MYO9B: variants seen among roughly 807,000 people sequenced by gnomAD.
The protein encoded by MYO9B is unconventional myosin-IXb.
A neutral mutation model predicts 229.5 loss-of-function variants in MYO9B; 71 were observed. That is an observed-to-expected ratio of 0.31 (90% CI 0.26 to 0.38). The LOEUF (loss-of-function observed/expected upper bound fraction) is 0.38. Ranked by LOEUF, MYO9B falls within the 10% of genes least tolerant of loss-of-function variation. The pLI, the probability that MYO9B is intolerant of heterozygous loss-of-function variation, is 1.00. For missense variants in MYO9B, 2,255 were observed against 2,920.5 expected (o/e 0.77, Z 5.25); for synonymous variants, 1,185 against 1,235.8 (o/e 0.96, Z 0.86).
At chr19:17,173,323 GTCTCTCTC>G (rs3837924) in intron 13 of MYO9B, among the ~76,000 whole-genome samples, 1 of 139,240 alleles carries the variant, frequency 7.2e-6, no homozygotes, top group Non-Finnish European at 1.6e-5. Context: ...TAGAGACAGG[GTCTCTCTC>G]TCTCTCTCTC....
intron 10 of MYO9B, 100 bp from the exon 11 acceptor site, chr19:17,167,842 AT>A (rs2072676928): frequency 1.4e-6 from 2 of 1,443,724 alleles, no homozygotes; most frequent in African/African-American, 1.4e-5. Flanking sequence ...AGCATTTCAG[AT>A]TTTCGGATTA....
At chr19:17,163,950 AAT>A (rs1244747251) in intron 10 of MYO9B, among the ~76,000 whole-genome samples, 1 of 152,172 alleles carries the variant, frequency 6.6e-6, no homozygotes, top group Non-Finnish European at 1.5e-5. Flanking sequence ...TGGGTGTGCA[AAT>A]ATCTCTTCAA....
chr19:17,115,286 G>A (rs2057890621), intron 2 of MYO9B, among the ~76,000 whole-genome samples: 1 of 151,982 alleles, frequency 6.6e-6, no homozygotes, highest in Non-Finnish European at 1.5e-5. Flanking sequence ...ATCATCCCTG[G>A]CATCTTTGGC....
At chr19:17,083,976 T>C (rs929844612) in intron 1 of MYO9B, among the ~76,000 whole-genome samples, 2 of 151,862 alleles carry the variant, frequency 1.3e-5, no homozygotes, top group Admixed American at 6.6e-5. Context: ...ACAAAGTGAA[T>C]GGGGAAGGAG....
chr19:17,164,967 C>A (rs34831515), intron 10 of MYO9B, among the ~76,000 whole-genome samples: 4 of 152,034 alleles, frequency 2.6e-5, no homozygotes, highest in African/African-American at 9.6e-5. Flanking sequence ...GAGGTTTAGG[C>A]GATCCTACCA....
rs1356748752 is a variant in MYO9B, at chr19:17,101,827, C to T, written c.110C>T (p.Thr37Ile). Residue 37 changes from threonine to isoleucine, a missense_variant, in exon 2 of 40, where the codon ACT becomes ATT. Thr to Ile is a moderately conservative substitution (Grantham distance 89). Coordinates refer to ENST00000682292, the MANE Select transcript of MYO9B (RefSeq NM_004145.4). This position sits in a 1 kb window ranked among gnomAD's most constrained non-coding sequence, Gnocchi z 4.7. ...GAGAGCCAGGCCTCGTGCCGCGTGA[C>T]TGCCACCAAGGACAGCACCACCTCG... is the stretch of plus-strand genomic sequence containing the variant. ...TTESQASCRV[T>I]ATKDSTTSDV... The T allele has an allele frequency of 6.2e-7, 1 of 1,610,532 alleles. No individual in the cohort carries two copies. Among genetic ancestry groups the T allele is most frequent in the Non-Finnish European group, 8.5e-7 (1 of 1,179,436 alleles).
rs775572788 is a variant in MYO9B, at chr19:17,207,176, C to T, written c.5556C>T (p.Pro1852=). 1.4e-5 allele frequency: 22 copies of T among 1,605,592 alleles called. No homozygotes were observed. Among genetic ancestry groups the T allele is most frequent in the Non-Finnish European group, 1.7e-5 (20 of 1,177,034 alleles). Reference sequence around the variant, plus strand: ...GGGCGCTGGCCATTATCTTCGCACCCTGCCTCCTGCGCTGCCCTGACAACT... The same window carrying T: ...GGGCGCTGGCCATTATCTTCGCACCTTGCCTCCTGCGCTGCCCTGACAACT... ...SPGALAIIFA[P]CLLRCPDNSD... is the part of the protein sequence containing the mutation. Residue 1852 remains proline, a synonymous_variant, in exon 35 of 40, where the codon CCC becomes CCT. Transcript: ENST00000682292.
intron 14 of MYO9B, among the ~76,000 whole-genome samples, chr19:17,179,265 C>G (rs1599397561): frequency 6.6e-6 from 1 of 152,158 alleles, no homozygotes; most frequent in East Asian, 1.9e-4. Context: ...CTGCTGTGTT[C>G]AAACTGTGGC....
At chr19:17,209,433 C>T (rs2073200541) in intron 35 of MYO9B, among the ~76,000 whole-genome samples, 153 bp from the exon 36 acceptor site, 1 of 152,208 alleles carries the variant, frequency 6.6e-6, no homozygotes, top group South Asian at 2.1e-4. Flanking sequence ...CCGAAGGTCA[C>T]ACTGCATGGG....
At chr19:17,116,720 C>T (rs888727042) in intron 2 of MYO9B, among the ~76,000 whole-genome samples, 5 of 152,132 alleles carry the variant, frequency 3.3e-5, no homozygotes, top group African/African-American at 9.6e-5. Context: ...AGAGGCCGCT[C>T]CAAGCTGAAA....
intron 8 of MYO9B, 122 bp from the exon 9 acceptor site, chr19:17,162,228 C>T (rs931095152): frequency 4.6e-5 from 34 of 739,058 alleles, no homozygotes; most frequent in Non-Finnish European, 6.7e-5. Flanking sequence ...TCTCTTGAAC[C>T]CAGGAGGTGG....
chr19:17,188,734 C>A (rs751925984), intron 19 of MYO9B, among the ~76,000 whole-genome samples: 1 of 152,064 alleles, frequency 6.6e-6, no homozygotes, highest in Non-Finnish European at 1.5e-5. Flanking sequence ...ATGTTCTGGG[C>A]GGGTGTAGTG....
chr19:17,147,088 C>G (rs925496016), intron 3 of MYO9B, among the ~76,000 whole-genome samples: 1 of 152,250 alleles, frequency 6.6e-6, no homozygotes, highest in African/African-American at 2.4e-5. Flanking sequence ...CCTCAGCCCC[C>G]ACAAGGCAGT....
intron 34 of MYO9B, 126 bp downstream of exon 34, chr19:17,206,910 T>C (rs911142035): frequency 6.6e-6 from 8 of 1,207,208 alleles, no homozygotes; most frequent in Non-Finnish European, 9.5e-6. Flanking sequence ...AGACCACTGT[T>C]GGGGGTTCTG....
At chr19:17,188,290 G>A (rs1388805403) in intron 19 of MYO9B, among the ~76,000 whole-genome samples, 1 of 152,090 alleles carries the variant, frequency 6.6e-6, no homozygotes, top group East Asian at 1.9e-4. Flanking sequence ...TTAGCCGGGT[G>A]TGGCAGCAGC....
intron 38 of MYO9B, among the ~76,000 whole-genome samples, chr19:17,211,416 T>C (rs1188112176): frequency 1.3e-5 from 2 of 151,902 alleles, no homozygotes; most frequent in Non-Finnish European, 2.9e-5. Context: ...GAACCACAGG[T>C]GGTGCACACC....
chr19:17,146,560 T>C (rs2072414038), intron 3 of MYO9B, among the ~76,000 whole-genome samples: 1 of 151,804 alleles, frequency 6.6e-6, no homozygotes, highest in Admixed American at 6.6e-5. Flanking sequence ...GATGGATGGA[T>C]AGATAGATGG....
chr19:17,161,438 G>A (rs28508103), intron 8 of MYO9B, among the ~76,000 whole-genome samples: 40,953 of 151,942 alleles, frequency 0.27, 6,092 homozygotes, highest in East Asian at 0.39. Flanking sequence ...CAACACTTAC[G>A]GAGGCCAGGG....
At chr19:17,089,617 T>C (rs778090087) in intron 1 of MYO9B, among the ~76,000 whole-genome samples, 7 of 152,104 alleles carry the variant, frequency 4.6e-5, no homozygotes, top group Non-Finnish European at 8.8e-5. Context: ...GCCTGTTTTT[T>C]TTCGTTGTCA....
Sources: allele counts gnomAD v4.1 joint callset (sites outside exome capture counted in the v4.1 genomes callset), GRCh38; gene constraint gnomAD v4.1.1; non-coding constraint Gnocchi (gnomAD v3.1); transcripts MANE v1.5; gene names NCBI Gene and HGNC (gene_info 2026-07-23, HGNC 2026-07-21).